The following PLD5 variants were observed in gnomAD, a reference collection of about 807,000 sequenced individuals.
The protein encoded by PLD5 is inactive phospholipase D5.
In PLD5, 36 loss-of-function variants were observed where a neutral mutation model predicts 61.1. The ratio of observed to expected loss-of-function variants is 0.59; its 90% CI spans 0.45 to 0.78. PLD5 has a LOEUF of 0.78. Among genes scored for constraint, PLD5 ranks in the 30% least tolerant of loss-of-function variants. PLD5 has a pLI of 0.00. For synonymous variants in PLD5, 243 were observed against 242.8 expected (o/e 1.00, Z -0.01); for missense variants, 515 against 644.4 (o/e 0.80, Z 2.17).
At chr1:242,176,809 A>G (rs1667178779) in intron 5 of PLD5, among the ~76,000 whole-genome samples, 1 of 152,246 alleles carries the variant, frequency 6.6e-6, no homozygotes, top group Admixed American at 6.5e-5. Context: ...TCTGCAGCCA[A>G]CAAACATATG....
At chr1:242,323,228 G>T (rs528255472) in intron 2 of PLD5, among the ~76,000 whole-genome samples, 1 of 152,108 alleles carries the variant, frequency 6.6e-6, no homozygotes, top group African/African-American at 2.4e-5. Flanking sequence ...CCAGGCGGCC[G>T]TTGCTGATAT....
At chr1:242,309,999 C>A (rs1218984152) in intron 2 of PLD5, among the ~76,000 whole-genome samples, 2 of 151,456 alleles carry the variant, frequency 1.3e-5, no homozygotes, top group Non-Finnish European at 2.9e-5. Context: ...AGTGGGTTTT[C>A]AGTCTTCACA....
Position 242,435,291 on chromosome 1 carries a change from C to T in PLD5, c.190-87049G>A, listed in dbSNP as rs78218380. On this transcript the variant is annotated intron_variant, in intron 1 of 9. Transcript: ENST00000536534. ...GAAAAATCTGAGTCCCTAGTGCATG[C>T]GCTCCCAGTTGAGGTCAAACAAGGT... Among the ~76,000 whole-genome samples the T allele has an allele frequency of 1.6e-3, 245 of 149,372 alleles. 4 individuals are homozygous for T. The highest frequency in any genetic ancestry group is 5.8e-3 in the African/African-American group (227 of 38,822).
chr1:242,211,104 C>T (rs10754755), intron 5 of PLD5, among the ~76,000 whole-genome samples: 51,431 of 152,012 alleles, frequency 0.34, 10,087 homozygotes, highest in East Asian at 0.56. Context: ...CTGGGATCAT[C>T]GATGAAGCTG....
chr1:242,493,872 T>C (rs998092562), intron 1 of PLD5, among the ~76,000 whole-genome samples: 2 of 152,234 alleles, frequency 1.3e-5, no homozygotes, highest in Non-Finnish European at 2.9e-5. Context: ...GCTTTCTTTT[T>C]AGTATTCCTG....
Position 242,086,313 on chromosome 1 carries a change from T to C in PLD5, c.*3541A>G, listed in dbSNP as rs993313432. 1 of 152,224 alleles carries C rather than the reference T, an allele frequency of 6.6e-6. No individual in the cohort carries two copies. The highest frequency in any genetic ancestry group is 2.4e-5 in the African/African-American group (1 of 41,462). The allele number at this position is 152,224 out of a possible 1,614,324, so 9.4% of individuals were successfully genotyped here. A position where few individuals can be genotyped will look rare whatever the true frequency, so the allele number is the denominator to read the frequency against. On this transcript the variant is annotated 3_prime_UTR_variant, in exon 10 of 10. Coordinates refer to ENST00000536534, the MANE Select transcript of PLD5 (RefSeq NM_001372062.1). ...TTGTTAAAGACGCTGGTTTTCATTCTCTGTGCCACAGGACCTAGGAAGTCT... is the reference window on the plus strand; with the variant it reads ...TTGTTAAAGACGCTGGTTTTCATTCCCTGTGCCACAGGACCTAGGAAGTCT...
chr1:242,524,736 G>A (rs971399354), upstream of PLD5: 6 of 147,652 alleles, frequency 4.1e-5, no homozygotes, highest in African/African-American at 1.5e-4. Flanking sequence ...GCGGCGGCGG[G>A]GGTGGGGTGC....
At chr1:242,469,426 A>G (rs1182299102) in intron 1 of PLD5, among the ~76,000 whole-genome samples, 1 of 152,180 alleles carries the variant, frequency 6.6e-6, no homozygotes, top group African/African-American at 2.4e-5. Flanking sequence ...TTTATTGTCC[A>G]CTTGTATTTA....
chr1:242,116,399 G>A (rs746867425), intron 6 of PLD5, among the ~76,000 whole-genome samples: 13 of 152,100 alleles, frequency 8.5e-5, no homozygotes, highest in African/African-American at 2.7e-4. Flanking sequence ...AAGATGAGTC[G>A]GTTTTTTAAA....
chr1:242,157,274 T>C (rs980708357), intron 5 of PLD5, among the ~76,000 whole-genome samples: 2 of 152,252 alleles, frequency 1.3e-5, no homozygotes, highest in African/African-American at 4.8e-5. Flanking sequence ...TCAAGGTTCT[T>C]AGCTTCCTTG....
At chr1:242,492,048 C>A (rs1026628872) in intron 1 of PLD5, among the ~76,000 whole-genome samples, 1 of 152,146 alleles carries the variant, frequency 6.6e-6, no homozygotes, top group Non-Finnish European at 1.5e-5. Context: ...TGCAACACAT[C>A]TATTTATTTC....
At chr1:242,527,383 G>A (rs899900578), upstream of PLD5, among the ~76,000 whole-genome samples, 3 of 152,020 alleles carry the variant, frequency 2.0e-5, no homozygotes, top group East Asian at 1.9e-4. Context: ...TGACCTGCCC[G>A]CCTCGGCCTC....
chr1:242,129,727 T>C (rs952956133), intron 5 of PLD5, among the ~76,000 whole-genome samples: 4 of 152,216 alleles, frequency 2.6e-5, no homozygotes, highest in African/African-American at 4.8e-5. Context: ...GGGACTTTTA[T>C]TGTAACCATC....
Position 242,089,615 on chromosome 1 carries a change from A to T in PLD5, c.*239T>A. 1.7e-6 allele frequency: 1 copy of T among 576,882 alleles called. No individual in the cohort carries two copies. The highest frequency in any genetic ancestry group is 2.8e-5 in the South Asian group (1 of 35,094). The allele number at this position is 576,882 out of a possible 1,614,324, so 35.7% of individuals were successfully genotyped here. ...CTTAAAATTTGTATGCAAACGTAAA[A>T]ACTAACTTCTACGCCAGAATGACAT... On this transcript the variant is annotated 3_prime_UTR_variant, in exon 10 of 10. Coordinates refer to ENST00000536534, the MANE Select transcript of PLD5 (RefSeq NM_001372062.1).
At chr1:242,364,972 A>G (rs1217833087) in intron 1 of PLD5, among the ~76,000 whole-genome samples, 3 of 9,056 alleles carry the variant, frequency 3.3e-4, no homozygotes, top group Non-Finnish European at 1.8e-3. Context: ...AATACAGATA[A>G]GGAAAAAAAA....
chr1:242,431,319 T>C (rs1364601064), intron 1 of PLD5, among the ~76,000 whole-genome samples: 4 of 152,206 alleles, frequency 2.6e-5, no homozygotes, highest in Non-Finnish European at 5.9e-5. Context: ...AACACAGATA[T>C]CTGTTAAGGT....
At chr1:242,475,556 A>C (rs2102954936) in intron 1 of PLD5, among the ~76,000 whole-genome samples, 1 of 152,286 alleles carries the variant, frequency 6.6e-6, no homozygotes, top group South Asian at 2.1e-4. Context: ...TATCCCGCCC[A>C]AAACAGTTCA....
chr1:242,305,847 T>C (rs572996624), intron 2 of PLD5, among the ~76,000 whole-genome samples: 1 of 152,236 alleles, frequency 6.6e-6, no homozygotes, highest in East Asian at 1.9e-4. Context: ...CTATATAGTA[T>C]TTTGTCTTCC....
intron 1 of PLD5, among the ~76,000 whole-genome samples, chr1:242,493,780 G>T (rs1668253879): frequency 6.6e-6 from 1 of 152,120 alleles, no homozygotes; most frequent in Admixed American, 6.5e-5. Context: ...TGCCGGGAAG[G>T]CTCCATGGGG....
Sources: gnomAD v4.1 joint callset for allele counts (sites outside exome capture counted in the v4.1 genomes callset) on GRCh38, gnomAD v4.1.1 for gene constraint, MANE v1.5 for transcripts, NCBI Gene and HGNC (gene_info 2026-07-23, HGNC 2026-07-21) for gene names.